Variants in DCAF12 observed in about 807,000 individuals in gnomAD.
DCAF12 encodes the protein DDB1- and CUL4-associated factor 12.
DCAF12 carries 28 observed loss-of-function variants against 52.8 expected under a neutral mutation model. The ratio of observed to expected loss-of-function variants is 0.53; its 90% confidence interval spans 0.39 to 0.73. DCAF12 has a LOEUF of 0.73. Among genes scored for constraint, DCAF12 ranks in the 30% least tolerant of loss-of-function variants. The probability of loss-of-function intolerance (pLI) is 0.00; values close to 1 mark genes in which losing one functional copy is unlikely to be tolerated. For missense variants in DCAF12, 425 were observed against 552.2 expected (o/e 0.77, Z 2.31); for synonymous variants, 196 against 215.5 (o/e 0.91, Z 0.79).
chr9:34,126,386 G>C lies in DCAF12; in HGVS notation c.46C>G (p.Pro16Ala). 6.2e-7 allele frequency: 1 copy of C among 1,611,250 alleles called. No homozygotes were observed. Among genetic ancestry groups the C allele is most frequent in the Admixed American group, 1.7e-5 (1 of 59,980 alleles). ...VSRKRKAPAS[P>A]GAGSDAQGPQ... ...CCCTGAGCGTCGCTCCCAGCTCCCG[G>C]CGAGGCGGGCGCTTTCCGCTTCCTG... The change falls in exon 1 of 9, where the codon CCG (proline) becomes GCG (alanine). Residue 16 changes from proline (P) to alanine (A), a missense_variant. Physicochemically the swap from Pro to Ala is conservative, Grantham distance 27 (BLOSUM62 -1). Transcript: ENST00000361264.
intron 7 of DCAF12, among the ~76,000 whole-genome samples, chr9:34,091,466 G>A (rs12002910): frequency 0.25 from 37,512 of 151,474 alleles, 5,039 homozygotes; most frequent in African/African-American, 0.32. Flanking sequence ...ATGAGAACCT[G>A]TCTCTACAAA....
rs747896183 is a variant in DCAF12 at position 34,096,704 on chromosome 9, T to C, written c.861+12A>G. ...ATTATTAGGTAAAACCACAAAATCATGTTCATCACACCTTAGATAGTGTAT... is the reference window on the plus strand; with the variant it reads ...ATTATTAGGTAAAACCACAAAATCACGTTCATCACACCTTAGATAGTGTAT... On this transcript the variant is annotated intron_variant, in intron 6 of 8. Coordinates refer to ENST00000361264, the MANE Select transcript of DCAF12 (RefSeq NM_015397.4). The C allele has an allele frequency of 4.8e-5, 77 of 1,611,892 alleles. No individual in the cohort carries two copies. The highest frequency in any genetic ancestry group is 4.2e-5 in the Non-Finnish European group (50 of 1,178,780).
rs1336716407 is a variant in DCAF12 at position 34,087,533 on chromosome 9, G to A, written c.*817C>T. On this transcript the variant is annotated 3_prime_UTR_variant, in exon 9 of 9. Transcript: ENST00000361264. ...CTGGATGGTGAGTCTGATGTTTTAG[G>A]GGTGTGGCTACTGGCTAAGCAGATG... The A allele has an allele frequency of 1.3e-5, 2 of 152,186 alleles. No homozygotes were observed. Among genetic ancestry groups the A allele is most frequent in the Non-Finnish European group, 2.9e-5 (2 of 68,070 alleles). The allele number at this position is 152,186 out of a possible 1,614,324, so 9.4% of individuals were successfully genotyped here.
intron 2 of DCAF12, among the ~76,000 whole-genome samples, chr9:34,116,570 G>A (rs1829090882): frequency 6.6e-6 from 1 of 152,198 alleles, no homozygotes; most frequent in African/African-American, 2.4e-5. Context: ...AGCTACTTGG[G>A]AGGCTGAAGC....
chr9:34,110,985 G>GT (rs1204745952), intron 2 of DCAF12, among the ~76,000 whole-genome samples: 25,542 of 125,892 alleles, frequency 0.2, 3,056 homozygotes, highest in Middle Eastern at 0.25. Flanking sequence ...ATTCTTTTCT[G>GT]TTTTTTTTTT....
chr9:34,120,989 A>T (rs1485695370), intron 2 of DCAF12, among the ~76,000 whole-genome samples: 2 of 152,058 alleles, frequency 1.3e-5, no homozygotes, highest in African/African-American at 4.8e-5. Context: ...CCCTGTCTCT[A>T]CTAAAAATAC....
chr9:34,098,656 C>T (rs1315432781), intron 4 of DCAF12, 139 bp from the exon 5 acceptor site: 6 of 761,446 alleles, frequency 7.9e-6, no homozygotes, highest in Non-Finnish European at 1.2e-5. Context: ...GATGGCCCAC[C>T]CTAAACACAG....
At chr9:34,099,663 G>A (rs1266630489) in intron 4 of DCAF12, among the ~76,000 whole-genome samples, 1 of 151,170 alleles carries the variant, frequency 6.6e-6, no homozygotes, top group Admixed American at 6.6e-5. Context: ...GCATGATCTC[G>A]GCTCACTGCA....
chr9:34,093,163 T>C, intron 7 of DCAF12, 123 bp downstream of exon 7: 2 of 1,296,850 alleles, frequency 1.5e-6, no homozygotes, highest in Non-Finnish European at 2.1e-6. Flanking sequence ...CTCCCCTTTT[T>C]GAACACACTT....
chr9:34,093,356 A>G lies in DCAF12; in HGVS notation c.954T>C (p.His318=), dbSNP rs374161194. Reference sequence around the variant, plus strand: ...GCTGCCGTGGATCCAAGAAGGAGACATGAGCTTGGGAGCCCACTGCATAAA... The same window carrying G: ...GCTGCCGTGGATCCAAGAAGGAGACGTGAGCTTGGGAGCCCACTGCATAAA... The part of the protein sequence containing the change: ...WSVYAVGSQA[H]VSFLDPRQPS... Residue 318 remains histidine (H), a synonymous_variant, in exon 7 of 9, where the codon CAT becomes CAC. Coordinates refer to ENST00000361264, the MANE Select transcript of DCAF12 (RefSeq NM_015397.4). 41 of 1,614,140 alleles carry G rather than the reference A, an allele frequency of 2.5e-5. No homozygotes were observed. Among genetic ancestry groups the G allele is most frequent in the Non-Finnish European group, 3.0e-5 (35 of 1,180,044 alleles).
chr9:34,106,467 T>C lies in DCAF12; in HGVS notation c.568A>G (p.Ile190Val). 1 of 1,611,240 alleles carries C rather than the reference T, an allele frequency of 6.2e-7. No homozygotes were observed. The highest frequency in any genetic ancestry group is 8.5e-7 in the Non-Finnish European group (1 of 1,178,334). The change falls in exon 4 of 9, where the codon ATC (isoleucine) becomes GTC (valine). Residue 190 changes from isoleucine to valine, a missense_variant. Around this residue, in one of 3 missense-constraint regions of DCAF12, gnomAD observed 328 missense variants for 444.4 expected, o/e 0.74. Coordinates refer to ENST00000361264, the MANE Select transcript of DCAF12 (RefSeq NM_015397.4). ...GCCATAGTGTCGCTGATCCATGCGA[T>C]GGAAAAGATCCAGTCCTTGTGTCCA... is the stretch of plus-strand genomic sequence containing the variant. ...DDGHKDWIFS[I>V]AWISDTMAVS...
At position 34,126,502 on chromosome 9, in the gene DCAF12, C is replaced by A; in HGVS notation, c.-71G>T. ...AGCGAAGGATAGCAGGACGGCGGGT[C>A]ATATACTGGGCCCCGGGGCCGCGCA... On this transcript the variant is annotated 5_prime_UTR_variant, in exon 1 of 9. The change abolishes an upstream ATG in the 5' untranslated region. Transcript: ENST00000361264. 1 of 1,532,308 alleles carries A rather than the reference C, an allele frequency of 6.5e-7. No homozygotes were observed. Among genetic ancestry groups the A allele is most frequent in the South Asian group, 1.2e-5 (1 of 85,308 alleles). 94.9% of individuals were successfully genotyped at this position (1,532,308 alleles called of 1,614,324 possible). A position where few individuals can be genotyped will look rare whatever the true frequency, so the allele number is the denominator to read the frequency against.
intron 4 of DCAF12, among the ~76,000 whole-genome samples, chr9:34,099,200 T>G (rs1378507972): frequency 1.3e-5 from 2 of 151,882 alleles, no homozygotes; most frequent in African/African-American, 4.8e-5. Context: ...CCCAAGTAGC[T>G]GAGATCACAG....
intron 7 of DCAF12, among the ~76,000 whole-genome samples, chr9:34,091,059 C>T (rs1412884662): frequency 6.6e-6 from 1 of 152,070 alleles, no homozygotes; most frequent in Non-Finnish European, 1.5e-5. Context: ...GGCGTGGTGG[C>T]TCAAGCCTGT....
chr9:34,101,483 A>C (rs915299534), intron 4 of DCAF12, among the ~76,000 whole-genome samples: 2 of 151,818 alleles, frequency 1.3e-5, no homozygotes, highest in Non-Finnish European at 2.9e-5. Flanking sequence ...ACCTCTGCTT[A>C]CTGGGTTCAA....
intron 4 of DCAF12, among the ~76,000 whole-genome samples, chr9:34,105,058 G>C (rs62560864): frequency 0.023 from 3,527 of 151,522 alleles, 64 homozygotes; most frequent in Non-Finnish European, 0.037. Flanking sequence ...TTTGAGACCA[G>C]CCTGGCCAAT....
intron 2 of DCAF12, among the ~76,000 whole-genome samples, chr9:34,122,193 C>G (rs999159836): frequency 6.6e-6 from 1 of 152,124 alleles, no homozygotes; most frequent in African/African-American, 2.4e-5. Context: ...CACCACCCCC[C>G]CAAAATCTTG....
intron 2 of DCAF12, among the ~76,000 whole-genome samples, chr9:34,122,046 C>G (rs1349031809): frequency 6.6e-6 from 1 of 152,150 alleles, no homozygotes; most frequent in Non-Finnish European, 1.5e-5. Context: ...CGCAGCAGTT[C>G]TTCTTGCCCT....
At chr9:34,110,403 T>C (rs922133674) in intron 2 of DCAF12, among the ~76,000 whole-genome samples, 2 of 152,202 alleles carry the variant, frequency 1.3e-5, no homozygotes, top group East Asian at 3.8e-4. Context: ...CTCCTTCCTC[T>C]GCTTCCTCAC....
Sources: allele counts gnomAD v4.1 joint callset (sites outside exome capture counted in the v4.1 genomes callset), GRCh38; gene constraint gnomAD v4.1.1; regional missense constraint gnomAD v4.1.1; transcripts MANE v1.5; gene names NCBI Gene and HGNC (gene_info 2026-07-23, HGNC 2026-07-21).